Variants in IQCB1 observed in about 807,000 individuals in gnomAD.
The protein encoded by IQCB1 is IQ motif containing B1, also known as IQ calmodulin-binding motif-containing protein 1.
A neutral mutation model predicts 84.4 loss-of-function variants in IQCB1; 56 were observed. That is an observed-to-expected ratio of 0.66 (90% CI 0.54 to 0.83). The LOEUF (loss-of-function observed/expected upper bound fraction) is 0.83. Ranked by LOEUF, IQCB1 falls within the 40% of genes least tolerant of loss-of-function variation. The pLI, the probability that IQCB1 is intolerant of heterozygous loss-of-function variation, is 0.00. For missense variants in IQCB1, 629 were observed against 682.1 expected, an observed-to-expected ratio of 0.92 and a Z score of 0.87; for synonymous variants, 210 against 234.8, an observed-to-expected ratio of 0.89 and a Z score of 0.96.
intron 12 of IQCB1, among the ~76,000 whole-genome samples, chr3:121,786,305 C>T (rs1948736131): frequency 6.6e-6 from 1 of 150,860 alleles, no homozygotes; most frequent in African/African-American, 2.4e-5. Context: ...TCTCAGTGTA[C>T]TTTCCCATTT....
chr3:121,796,906 C>G (rs990949433), intron 9 of IQCB1, among the ~76,000 whole-genome samples: 1 of 151,956 alleles, frequency 6.6e-6, no homozygotes. Flanking sequence ...GCAGTGGCTA[C>G]TCATGGGTGT....
At chr3:121,834,678 T>TA (rs1364878269) in intron 1 of IQCB1, among the ~76,000 whole-genome samples, 199 bp from the exon 2 acceptor site, 4 of 152,176 alleles carry the variant, frequency 2.6e-5, no homozygotes, top group African/African-American at 9.6e-5. Flanking sequence ...GCTTCAAGTC[T>TA]AAGGACCGAG....
chr3:121,808,911 CT>C lies in IQCB1; in HGVS notation c.487+4del. ...TATTAGTTACATTAAAATCTTTTCT[CT>C]TACCATTCTGAATAAGTTCAACATG... is the stretch of plus-strand genomic sequence containing the variant. On this transcript the variant is annotated splice_donor_region_variant and intron_variant, in intron 6 of 14. Transcript: ENST00000310864. 6.4e-7 allele frequency: 1 copy of C among 1,564,000 alleles called. No homozygotes were observed. Among genetic ancestry groups the C allele is most frequent in the Non-Finnish European group, 8.8e-7 (1 of 1,135,032 alleles).
chr3:121,799,268 T>C lies in IQCB1; in HGVS notation c.694A>G (p.Lys232Glu). The C allele has an allele frequency of 1.2e-5, 19 of 1,610,882 alleles. No homozygotes were observed. Among genetic ancestry groups the C allele is most frequent in the Non-Finnish European group, 1.6e-5 (19 of 1,177,786 alleles). ...PSPVIRSTAT[K>E]LLLLMAESHQ... is the part of the protein sequence containing the mutation. Reference sequence around the variant, plus strand: ...GATTCAGCCATCAACAGTAGGAGTTTTGTAGCAGTACTTCTTATAACTGGA... The same window carrying C: ...GATTCAGCCATCAACAGTAGGAGTTCTGTAGCAGTACTTCTTATAACTGGA... Residue 232 changes from lysine (K) to glutamate (E), a missense_variant, in exon 8 of 15, where the codon AAA becomes GAA. Lys to Glu is a moderately conservative substitution (Grantham distance 56). Coordinates refer to ENST00000310864, the MANE Select transcript of IQCB1 (RefSeq NM_001023570.4).
intron 14 of IQCB1, among the ~76,000 whole-genome samples, chr3:121,771,947 A>C (rs970858043): frequency 6.6e-6 from 1 of 151,990 alleles, no homozygotes; most frequent in African/African-American, 2.4e-5. Context: ...AGGCCGAGGT[A>C]GGCAGGTCAC....
At chr3:121,816,852 G>A (rs887848403) in intron 5 of IQCB1, among the ~76,000 whole-genome samples, 4 of 152,172 alleles carry the variant, frequency 2.6e-5, no homozygotes, top group African/African-American at 4.8e-5. Context: ...ACAGTGTGGC[G>A]ACTGCTCAAG....
chr3:121,772,450 G>T, intron 14 of IQCB1, 107 bp downstream of exon 14: 1 of 1,092,722 alleles, frequency 9.2e-7, no homozygotes. Context: ...TGAGGTTAGG[G>T]GATGAGCTAA....
At chr3:121,806,943 A>T (rs1231609297) in intron 7 of IQCB1, among the ~76,000 whole-genome samples, 1 of 151,986 alleles carries the variant, frequency 6.6e-6, no homozygotes, top group African/African-American at 2.4e-5. Flanking sequence ...CATCTGTAAA[A>T]ATACCAAGCT....
chr3:121,774,923 AAAAT>A (rs768356211), intron 13 of IQCB1, among the ~76,000 whole-genome samples: 2 of 152,238 alleles, frequency 1.3e-5, no homozygotes, highest in Non-Finnish European at 2.9e-5. Context: ...TACCACCCTG[AAAAT>A]AAATAAATTT....
Position 121,828,487 on chromosome 3 carries a change from C to T in IQCB1, c.246G>A (p.Gln82=). 6.2e-7 allele frequency: 1 copy of T among 1,613,072 alleles called. No individual in the cohort carries two copies. The highest frequency in any genetic ancestry group is 1.1e-5 in the South Asian group (1 of 91,074). The part of the protein sequence containing the change: ...RIQGGWTTIS[Q]LTQILSHCCV... ...TATTTTACCTTAATATCTGTGTAAG[C>T]TGGGAAATTGTAGTCCAACCACCCT... is the stretch of plus-strand genomic sequence containing the variant. Residue 82 remains glutamine, a synonymous_variant, in exon 4 of 15, where the codon CAG becomes CAA. Coordinates refer to ENST00000310864, the MANE Select transcript of IQCB1 (RefSeq NM_001023570.4).
chr3:121,774,134 C>T (rs1421212161), intron 13 of IQCB1, among the ~76,000 whole-genome samples: 1 of 151,980 alleles, frequency 6.6e-6, no homozygotes, highest in Non-Finnish European at 1.5e-5. Flanking sequence ...CTTGAACAGA[C>T]ATTTCTGCAA....
chr3:121,780,227 T>C (rs1286623120), intron 13 of IQCB1, among the ~76,000 whole-genome samples: 2 of 152,198 alleles, frequency 1.3e-5, no homozygotes, highest in Non-Finnish European at 2.9e-5. Context: ...CCTTGAGCTA[T>C]GGCCTAGAAA....
rs549300318 is a variant in IQCB1, at chr3:121,813,747, A to G, written c.394-4738T>C. Among the ~76,000 whole-genome samples, 14 of 152,348 alleles carry G rather than the reference A, an allele frequency of 9.2e-5. 1 individual carries two copies. The highest frequency in any genetic ancestry group is 4.1e-4 in the South Asian group (2 of 4,828). The stretch of plus-strand genomic sequence containing the variant: ...ACTATCCTAAATATATATTCACCCA[A>G]TACAGGAGCACCCAGATTCATAAAG... On this transcript the variant is annotated intron_variant, in intron 5 of 14. Transcript: ENST00000310864.
At chr3:121,812,489 T>C (rs1403312120) in intron 5 of IQCB1, among the ~76,000 whole-genome samples, 1 of 152,192 alleles carries the variant, frequency 6.6e-6, no homozygotes, top group African/African-American at 2.4e-5. Context: ...TGAAGGAGCA[T>C]GTTCTAACCC....
At chr3:121,798,382 C>A (rs978452144) in intron 8 of IQCB1, among the ~76,000 whole-genome samples, 2 of 151,784 alleles carry the variant, frequency 1.3e-5, no homozygotes, top group Non-Finnish European at 3.0e-5. Context: ...AACTAGAATC[C>A]CATTTCCTGA....
chr3:121,796,064 C>T (rs976335326), intron 9 of IQCB1, among the ~76,000 whole-genome samples: 4 of 152,062 alleles, frequency 2.6e-5, no homozygotes, highest in African/African-American at 9.7e-5. Context: ...CTCCTGTTTA[C>T]TTAATAGACT....
At chr3:121,813,868 A>T (rs796352323) in intron 5 of IQCB1, among the ~76,000 whole-genome samples, 9 of 152,306 alleles carry the variant, frequency 5.9e-5, no homozygotes, top group African/African-American at 2.2e-4. Flanking sequence ...GATCAATGAG[A>T]CAGAAAATTA....
chr3:121,804,501 A>G (rs1413053847), intron 7 of IQCB1, among the ~76,000 whole-genome samples: 1 of 152,104 alleles, frequency 6.6e-6, no homozygotes, highest in Non-Finnish European at 1.5e-5. Flanking sequence ...TCTGCTGAGC[A>G]TGTAATTCTA....
intron 13 of IQCB1, 99 bp from the exon 14 acceptor site, chr3:121,772,812 T>C: frequency 9.8e-7 from 1 of 1,022,682 alleles, no homozygotes; most frequent in South Asian, 1.3e-5. Flanking sequence ...CTGTCTCTCA[T>C]TTTATCAATT....
Sources: gnomAD v4.1 joint callset for allele counts (sites outside exome capture counted in the v4.1 genomes callset) on GRCh38, gnomAD v4.1.1 for gene constraint, MANE v1.5 for transcripts, NCBI Gene and HGNC (gene_info 2026-07-23, HGNC 2026-07-21) for gene names.